ACAT2: variants seen among roughly 807,000 people sequenced by gnomAD.
The protein encoded by ACAT2 is acetyl-CoA acetyltransferase 2.
Under a neutral mutation model 37.1 loss-of-function variants are expected in ACAT2, and 26 were observed. That is an observed-to-expected ratio of 0.70 (90% CI 0.51 to 0.97). The LOEUF is 0.97. Among genes scored for constraint, ACAT2 ranks in the 50% least tolerant of loss-of-function variants. The pLI is 0.00. For missense variants in ACAT2, 468 were observed against 489.0 expected (o/e 0.96, Z 0.40); for synonymous variants, 156 against 163.6 (o/e 0.95, Z 0.35).
At chr6:159,778,360 G>A (rs1044563104) in intron 8 of ACAT2, 80 bp downstream of exon 8, 33 of 971,136 alleles carry the variant, frequency 3.4e-5, no homozygotes, top group Non-Finnish European at 3.9e-5. Context: ...CTAGGTGTTG[G>A]CCATGTGGGT....
chr6:159,775,215 A>G lies in ACAT2; in HGVS notation c.536A>G (p.Asp179Gly). ...TGGCAAGTGAGTAGAGAAGATCAGG[A>G]CAAGGTTGCAGTTCTGTCCCAGAAC... is the stretch of plus-strand genomic sequence containing the variant. ...KKWQVSREDQ[D>G]KVAVLSQNRT... The change falls in exon 5 of 9, where the codon GAC (aspartate) becomes GGC (glycine). Residue 179 changes from aspartate (D) to glycine (G), a missense_variant. Transcript: ENST00000367048. 2 of 1,614,230 alleles carry G rather than the reference A, an allele frequency of 1.2e-6. No individual in the cohort carries two copies. The highest frequency in any genetic ancestry group is 1.7e-6 in the Non-Finnish European group (2 of 1,180,036).
At chr6:159,768,019 C>T (rs1451385799) in intron 3 of ACAT2, among the ~76,000 whole-genome samples, 2 of 152,184 alleles carry the variant, frequency 1.3e-5, no homozygotes, top group Non-Finnish European at 2.9e-5. Flanking sequence ...CAATCAATGA[C>T]TCTTTCCATT....
intron 3 of ACAT2, 45 bp from the exon 4 acceptor site, chr6:159,768,466 C>T (rs775850341): frequency 7.5e-6 from 10 of 1,340,424 alleles, no homozygotes; most frequent in Admixed American, 1.7e-5. Flanking sequence ...GGGGAGAAGA[C>T]TAATTGCAAC....
At chr6:159,773,676 G>A (rs912430532) in intron 4 of ACAT2, among the ~76,000 whole-genome samples, 9 of 152,174 alleles carry the variant, frequency 5.9e-5, no homozygotes, top group African/African-American at 7.2e-5. Flanking sequence ...CAATTTCAGC[G>A]TGCAAATAAG....
intron 4 of ACAT2, among the ~76,000 whole-genome samples, chr6:159,774,486 C>CT (rs1019016754): frequency 5.1e-4 from 77 of 152,344 alleles, no homozygotes; most frequent in African/African-American, 1.8e-3. Context: ...GTCACCCAGG[C>CT]TGGAGTGCAG....
At chr6:159,764,416 C>T (rs1213507210) in intron 2 of ACAT2, among the ~76,000 whole-genome samples, 1 of 151,928 alleles carries the variant, frequency 6.6e-6, no homozygotes, top group Admixed American at 6.6e-5. Flanking sequence ...TGGGTTTGAA[C>T]ACTCGTAATT....
intron 3 of ACAT2, among the ~76,000 whole-genome samples, chr6:159,767,649 G>T (rs1446542894): frequency 6.6e-6 from 1 of 152,196 alleles, no homozygotes; most frequent in Non-Finnish European, 1.5e-5. Flanking sequence ...CAGTAGGTTT[G>T]CCAGGCATGA....
intron 4 of ACAT2, among the ~76,000 whole-genome samples, chr6:159,771,493 G>GA (rs1562478046): frequency 6.6e-6 from 1 of 151,984 alleles, no homozygotes; most frequent in Non-Finnish European, 1.5e-5. Context: ...GAATGGGGCA[G>GA]AAAAAAACTG....
chr6:159,778,087 A>G, intron 7 of ACAT2, 83 bp from the exon 8 acceptor site: 1 of 872,740 alleles, frequency 1.1e-6, no homozygotes, highest in Non-Finnish European at 1.8e-6. Context: ...ATCATGCAGC[A>G]TATATTTATG....
At chr6:159,769,404 G>T (rs1200738669) in intron 4 of ACAT2, among the ~76,000 whole-genome samples, 1 of 152,140 alleles carries the variant, frequency 6.6e-6, no homozygotes, top group Non-Finnish European at 1.5e-5. Flanking sequence ...ACTAGAGGTG[G>T]TCATTAAAAA....
chr6:159,777,231 G>A (rs773421949), intron 6 of ACAT2, 71 bp from the exon 7 acceptor site: 113 of 1,509,504 alleles, frequency 7.5e-5, no homozygotes, highest in Non-Finnish European at 1.8e-5. Context: ...GTCTTCAGGT[G>A]GTAAAGAAGC....
intron 5 of ACAT2, chr6:159,775,547 T>G (rs1055756334): frequency 1.5e-5 from 7 of 458,522 alleles, no homozygotes; most frequent in Non-Finnish European, 2.7e-5. Context: ...CCATGACCAC[T>G]GTGCACACAC....
chr6:159,775,375 A>G (rs1780397421), intron 5 of ACAT2, 62 bp downstream of exon 5: 1 of 1,539,490 alleles, frequency 6.5e-7, no homozygotes, highest in Non-Finnish European at 8.9e-7. Context: ...CATCTAAAAG[A>G]GTAATACATA....
At position 159,778,487 on chromosome 6, in the gene ACAT2, A is replaced by G. The variant is rs1422676442; in HGVS notation, c.1024-172A>G. On this transcript the variant is annotated intron_variant, in intron 8 of 8. Transcript: ENST00000367048. ...CTTGGCATAAAAGGAACGAGGTAAGATAGGCAGGGATGAATTTTCACAAAG... is the reference window on the plus strand; with the variant it reads ...CTTGGCATAAAAGGAACGAGGTAAGGTAGGCAGGGATGAATTTTCACAAAG... The G allele has an allele frequency of 9.0e-6, 7 of 780,850 alleles. No individual in the cohort carries two copies. The African/African-American group carries it at 1.1e-4, about 12-fold the overall frequency. 48.4% of individuals were successfully genotyped at this position (780,850 alleles called of 1,614,324 possible).
At chr6:159,774,030 T>C (rs1780377852) in intron 4 of ACAT2, among the ~76,000 whole-genome samples, 1 of 152,214 alleles carries the variant, frequency 6.6e-6, no homozygotes, top group Non-Finnish European at 1.5e-5. Flanking sequence ...CTTTAAAAGC[T>C]AGAAACCTGG....
Position 159,771,807 on chromosome 6 carries a change from T to C in ACAT2, c.490+3179T>C, listed in dbSNP as rs910444805. 3.4e-4 allele frequency among the ~76,000 whole-genome samples: 51 copies of C among 152,098 alleles called. 2 individuals carry two copies. Among genetic ancestry groups the C allele is most frequent in the Non-Finnish European group, 1.5e-5 (1 of 68,008 alleles). ...CTCAAGAGCTGAGGCAAGAGATTGC[T>C]TGAGTCCAAGAGTTTGAGTCTAGCC... is the stretch of plus-strand genomic sequence containing the variant. On this transcript the variant is annotated intron_variant, in intron 4 of 8. Coordinates refer to ENST00000367048, the MANE Select transcript of ACAT2 (RefSeq NM_005891.3).
intron 2 of ACAT2, 77 bp downstream of exon 2, chr6:159,763,130 A>C: frequency 7.8e-5 from 116 of 1,479,392 alleles, no homozygotes; most frequent in Middle Eastern, 2.0e-4. Flanking sequence ...ACACACTCTC[A>C]CACACTCACA....
At chr6:159,775,533 G>T (rs1223730733) in intron 5 of ACAT2, 2 of 515,284 alleles carry the variant, frequency 3.9e-6, no homozygotes, top group African/African-American at 3.8e-5. Context: ...TGGTTCCAGA[G>T]CGTCCATGAC....
chr6:159,766,656 C>T (rs1317637618), intron 2 of ACAT2, among the ~76,000 whole-genome samples: 1 of 152,212 alleles, frequency 6.6e-6, no homozygotes, highest in Non-Finnish European at 1.5e-5. Context: ...CCTCCTTGGC[C>T]TCCCAAAGTG....
Sources: allele counts gnomAD v4.1 joint callset (sites outside exome capture counted in the v4.1 genomes callset), GRCh38; gene constraint gnomAD v4.1.1; transcripts MANE v1.5; gene names NCBI Gene and HGNC (gene_info 2026-07-23, HGNC 2026-07-21).